SNTG1: variants seen among roughly 807,000 people sequenced by gnomAD.
SNTG1 encodes syntrophin gamma 1.
A neutral mutation model predicts 74.7 loss-of-function variants in SNTG1; 39 were observed. The ratio of observed to expected loss-of-function variants is 0.52; its 90% CI spans 0.40 to 0.68. The LOEUF is 0.68. Ranked by LOEUF, SNTG1 falls within the 30% of genes least tolerant of loss-of-function variation. The probability of loss-of-function intolerance (pLI) is 0.00; values close to 1 mark genes in which losing one functional copy is unlikely to be tolerated. For synonymous variants in SNTG1, 254 were observed against 217.1 expected (o/e 1.17, Z -1.49); for missense variants, 685 against 609.5 (o/e 1.12, Z -1.30).
chr8:50,767,390 C>G (rs1456034013), intron 18 of SNTG1, among the ~76,000 whole-genome samples: 1 of 151,806 alleles, frequency 6.6e-6, no homozygotes, highest in Non-Finnish European at 1.5e-5. Context: ...TATCTTTTTG[C>G]TGTTGTTGTT....
At chr8:50,621,298 C>G (rs2094921825) in intron 13 of SNTG1, among the ~76,000 whole-genome samples, 1 of 152,042 alleles carries the variant, frequency 6.6e-6, no homozygotes. Flanking sequence ...CAGATTATTC[C>G]CACATGGCTG....
intron 2 of SNTG1, among the ~76,000 whole-genome samples, chr8:50,241,673 C>A (rs983977217): frequency 6.6e-6 from 1 of 152,098 alleles, no homozygotes; most frequent in African/African-American, 2.4e-5. Context: ...AAGGTGATGT[C>A]TCAATGTGAA....
intron 4 of SNTG1, among the ~76,000 whole-genome samples, chr8:50,433,000 G>A (rs953510170): frequency 6.6e-6 from 1 of 152,028 alleles, no homozygotes; most frequent in African/African-American, 2.4e-5. Context: ...ATGTCGGCCA[G>A]GCTGGTCTCG....
chr8:50,365,280 T>C (rs2092077285), intron 2 of SNTG1, among the ~76,000 whole-genome samples: 1 of 152,112 alleles, frequency 6.6e-6, no homozygotes, highest in South Asian at 2.1e-4. Context: ...GTAGCTTGTG[T>C]ACAAAGAGAC....
chr8:50,286,488 G>A (rs1272486824), intron 2 of SNTG1: 1 of 152,078 alleles, frequency 6.6e-6, no homozygotes, highest in Admixed American at 6.6e-5. Flanking sequence ...CTATCCAAAT[G>A]GGGAAACATA....
intron 2 of SNTG1, among the ~76,000 whole-genome samples, chr8:50,357,591 G>T (rs2091854588): frequency 6.6e-6 from 1 of 152,094 alleles, no homozygotes; most frequent in Non-Finnish European, 1.5e-5. Flanking sequence ...AGTAAGACTG[G>T]ACTTCAAAGG....
At chr8:49,961,465 A>T (rs1810677707) in intron 1 of SNTG1, among the ~76,000 whole-genome samples, 1 of 152,212 alleles carries the variant, frequency 6.6e-6, no homozygotes, top group African/African-American at 2.4e-5. Context: ...AAACATAATC[A>T]TTCTTGCATC....
At chr8:50,348,297 T>C (rs1434195481) in intron 2 of SNTG1, among the ~76,000 whole-genome samples, 1 of 152,160 alleles carries the variant, frequency 6.6e-6, no homozygotes, top group Non-Finnish European at 1.5e-5. Flanking sequence ...CATATTTTCA[T>C]TCCAGAATGT....
rs1208711950 is a variant in SNTG1 at position 50,259,481 on chromosome 8, A to G, written c.-28+86846A>G. ...ACCACGGCATTCCAGCCTGGGCGAC[A>G]GAGAGAGACGCTGTCTCAAAAAAAA... On this transcript the variant is annotated intron_variant, in intron 2 of 18. Coordinates refer to ENST00000642720, the MANE Select transcript of SNTG1 (RefSeq NM_018967.5). Among the ~76,000 whole-genome samples, 3 of 134,512 alleles carry G rather than the reference A, an allele frequency of 2.2e-5. No individual in the cohort carries two copies. The East Asian group carries it at 6.8e-4, about 31-fold the overall frequency. The allele number at this position is 134,512 out of a possible 152,430, so 88.2% of individuals were successfully genotyped here.
chr8:49,958,597 T>G (rs1181818220), intron 1 of SNTG1, among the ~76,000 whole-genome samples: 2 of 152,086 alleles, frequency 1.3e-5, no homozygotes, highest in Non-Finnish European at 2.9e-5. Flanking sequence ...ATTTTGGTAA[T>G]TTTAGTAGAG....
intron 2 of SNTG1, among the ~76,000 whole-genome samples, chr8:50,260,316 G>A (rs981456128): frequency 1.3e-5 from 2 of 152,140 alleles, no homozygotes; most frequent in Non-Finnish European, 2.9e-5. Flanking sequence ...CTAGTCCCTT[G>A]TAGCATTTCT....
chr8:50,146,043 C>A (rs2081852639), intron 1 of SNTG1, among the ~76,000 whole-genome samples: 1 of 150,856 alleles, frequency 6.6e-6, no homozygotes, highest in Non-Finnish European at 1.5e-5. Flanking sequence ...TTTTGTTAAA[C>A]TTATTAAGGC....
At chr8:50,698,593 C>G (rs191124133) in intron 15 of SNTG1, among the ~76,000 whole-genome samples, 1 of 152,088 alleles carries the variant, frequency 6.6e-6, no homozygotes, top group African/African-American at 2.4e-5. Context: ...TGCTTGAGCA[C>G]CAGATCCCCA....
intron 8 of SNTG1, among the ~76,000 whole-genome samples, chr8:50,500,774 T>A (rs2093944408): frequency 6.6e-6 from 1 of 152,172 alleles, no homozygotes; most frequent in South Asian, 2.1e-4. Flanking sequence ...CTGATTTATC[T>A]CGTGTCACTG....
At chr8:50,509,397 G>A (rs112242460) in intron 9 of SNTG1, among the ~76,000 whole-genome samples, 41,919 of 151,986 alleles carry the variant, frequency 0.28, 7,393 homozygotes, top group African/African-American at 0.5. Context: ...TTGGCGATGC[G>A]GACTCTTTTT....
intron 1 of SNTG1, among the ~76,000 whole-genome samples, chr8:50,003,692 C>G (rs1585850943): frequency 6.6e-6 from 1 of 152,064 alleles, no homozygotes; most frequent in Admixed American, 6.6e-5. Flanking sequence ...TTGGTATTTA[C>G]TTTTTGTTCT....
intron 8 of SNTG1, among the ~76,000 whole-genome samples, chr8:50,470,939 C>G (rs1563432808): frequency 6.6e-6 from 1 of 152,152 alleles, no homozygotes; most frequent in Non-Finnish European, 1.5e-5. Context: ...GTCCATTTTA[C>G]AGAGTGCTGA....
intron 4 of SNTG1, among the ~76,000 whole-genome samples, chr8:50,423,049 C>T (rs1428346427): frequency 1.3e-5 from 2 of 152,132 alleles, no homozygotes; most frequent in Non-Finnish European, 2.9e-5. Flanking sequence ...ACTTTTCTCA[C>T]TGATACAGTT....
At chr8:50,641,966 A>G (rs1043783258) in intron 13 of SNTG1, among the ~76,000 whole-genome samples, 2 of 152,366 alleles carry the variant, frequency 1.3e-5, no homozygotes, top group Middle Eastern at 3.4e-3. Context: ...TGACAAGACT[A>G]GACCATGCCT....
Sources: gnomAD v4.1 joint callset for allele counts (sites outside exome capture counted in the v4.1 genomes callset) on GRCh38, gnomAD v4.1.1 for gene constraint, MANE v1.5 for transcripts, NCBI Gene and HGNC (gene_info 2026-07-23, HGNC 2026-07-21) for gene names.